Variants in CHRNA4 observed in about 807,000 individuals in gnomAD.
CHRNA4 encodes the protein neuronal acetylcholine receptor subunit alpha-4.
CHRNA4 carries 28 observed loss-of-function variants against 48.9 expected under a neutral mutation model. That is an observed-to-expected ratio of 0.57 (90% CI 0.42 to 0.79). CHRNA4 has a LOEUF of 0.79. Ranked by LOEUF, CHRNA4 falls within the 30% of genes least tolerant of loss-of-function variation. CHRNA4 has a pLI of 0.00. For missense variants in CHRNA4, 859 were observed against 898.4 expected, an observed-to-expected ratio of 0.96 and a Z score of 0.56; for synonymous variants, 425 against 402.3, an observed-to-expected ratio of 1.06 and a Z score of -0.68.
In CHRNA4 at chr20:63,349,916, C is replaced by T. The variant is rs150336658; in HGVS notation, c.1495G>A (p.Ala499Thr). The T allele has an allele frequency of 3.5e-5, 55 of 1,593,490 alleles. No individual in the cohort carries two copies. The highest frequency in any genetic ancestry group is 3.4e-4 in the Middle Eastern group (2 of 5,908). ...IQYCVPRDDA[A>T]PEADGQAAGA... The stretch of plus-strand genomic sequence containing the variant: ...GCAGCCTGGCCATCTGCCTCGGGGG[C>T]GGCATCGTCTCGGGGAACACAGTAC... The change falls in exon 5 of 6, where the codon GCC becomes ACC. Residue 499 changes from alanine (A) to threonine (T), a missense_variant. By Grantham distance (58) the Ala-to-Thr change is moderately conservative. This residue lies in a region of CHRNA4 where 478 missense variants were observed against 455.4 expected (regional missense o/e 1.05). Coordinates refer to ENST00000370263, the MANE Select transcript of CHRNA4 (RefSeq NM_000744.7).
At position 63,349,850 on chromosome 20, in the gene CHRNA4, G is replaced by A; in HGVS notation, c.1561C>T (p.Pro521Ser). Residue 521 changes from proline (P) to serine (S), a missense_variant, in exon 5 of 6, where the codon CCA becomes TCA. Pro to Ser is a moderately conservative substitution (Grantham distance 74, BLOSUM62 -1). This residue lies in a region of CHRNA4 where 478 missense variants were observed against 455.4 expected (regional missense o/e 1.05). Transcript: ENST00000370263. Reference sequence around the variant, plus strand: ...CACGGAGAGGGCTGGTCTGGGGGTGGGAGCTCAGCCGAGTGGGTGTTGCGA... The same window carrying A: ...CACGGAGAGGGCTGGTCTGGGGGTGAGAGCTCAGCCGAGTGGGTGTTGCGA... ...ASRNTHSAEL[P>S]PPDQPSPCKC... 1 of 1,596,714 alleles carries A rather than the reference G, an allele frequency of 6.3e-7. No individual in the cohort carries two copies. Among genetic ancestry groups the A allele is most frequent in the Non-Finnish European group, 8.6e-7 (1 of 1,169,352 alleles).
chr20:63,360,904 C>T (rs2068808456), intron 1 of CHRNA4, 186 bp downstream of exon 1: 1 of 463,258 alleles, frequency 2.2e-6, no homozygotes, highest in Non-Finnish European at 3.7e-6. Context: ...CAACTCCCTC[C>T]TCGCCTGGCT....
intron 4 of CHRNA4, chr20:63,351,241 T>TCCACATCCATGCCCCCGC (rs1568812091): frequency 2.8e-6 from 1 of 354,408 alleles, no homozygotes. Flanking sequence ...CACACCCACG[T>TCCACATCCATGCCCCCGC]CCACGTCCAC....
In CHRNA4 at chr20:63,356,353, C is replaced by T. The variant is rs1367890767; in HGVS notation, c.273+18G>A. 2 of 1,577,218 alleles carry T rather than the reference C, an allele frequency of 1.3e-6. No homozygotes were observed. The highest frequency in any genetic ancestry group is 1.7e-6 in the Non-Finnish European group (2 of 1,161,284). ...GGGGGAGGGCAGGGGTGGGGCAGGG[C>T]AGTGCCCTCCCACTCACCTGCTTCA... On this transcript the variant is annotated intron_variant, in intron 3 of 5. Coordinates refer to ENST00000370263, the MANE Select transcript of CHRNA4 (RefSeq NM_000744.7).
At chr20:63,348,585 C>A (rs774430461) in intron 5 of CHRNA4, among the ~76,000 whole-genome samples, 6 of 152,208 alleles carry the variant, frequency 3.9e-5, no homozygotes, top group Non-Finnish European at 7.3e-5. Flanking sequence ...GTGGCCCCTT[C>A]AGACGGAGGT....
chr20:63,346,588 G>A lies in CHRNA4; in HGVS notation c.*150C>T, dbSNP rs201579828. 3.2e-5 allele frequency: 37 copies of A among 1,147,564 alleles called. No homozygotes were observed. Among genetic ancestry groups the A allele is most frequent in the South Asian group, 3.0e-4 (23 of 75,612 alleles). The allele number at this position is 1,147,564 out of a possible 1,614,324, so 71.1% of individuals were successfully genotyped here. A position where few individuals can be genotyped will look rare whatever the true frequency, so the allele number is the denominator to read the frequency against. On this transcript the variant is annotated 3_prime_UTR_variant, in exon 6 of 6. Coordinates refer to ENST00000370263, the MANE Select transcript of CHRNA4 (RefSeq NM_000744.7). ...AGAGGCCGTGTCCCCGTCCAAGGCC[G>A]TCTTACAGCAGACACAGAACAGGAA... is the stretch of plus-strand genomic sequence containing the variant.
Position 63,346,879 on chromosome 20 carries a change from CCG to C in CHRNA4, c.1759-18_1759-17del, listed in dbSNP as rs1206759997. 1.9e-6 allele frequency: 3 copies of C among 1,612,004 alleles called. No homozygotes were observed. Among genetic ancestry groups the C allele is most frequent in the Non-Finnish European group, 2.5e-6 (3 of 1,179,570 alleles). On this transcript the variant is annotated splice_polypyrimidine_tract_variant and intron_variant, in intron 5 of 5. Transcript: ENST00000370263. ...CCTCCTTCACCTGCAAGCACAGACG[CCG>C]TCACTCCAGCACGGCCCGGCCGCCG... is the stretch of plus-strand genomic sequence containing the variant.
At position 63,349,276 on chromosome 20, in the gene CHRNA4, A is replaced by C. The variant is rs533898925; in HGVS notation, c.1758+377T>G. 3.3e-5 allele frequency among the ~76,000 whole-genome samples: 5 copies of C among 152,318 alleles called. No individual in the cohort carries two copies. The East Asian group carries it at 7.7e-4, about 24-fold the overall frequency. ...CGCACTCTGGAGAAAGGGCCTTGGC[A>C]GTGCCTCGTTGCGTTCTGGGGACTT... On this transcript the variant is annotated intron_variant, in intron 5 of 5. Transcript: ENST00000370263.
chr20:63,358,263 C>CTG (rs1462024846), intron 2 of CHRNA4, among the ~76,000 whole-genome samples: 1 of 152,202 alleles, frequency 6.6e-6, no homozygotes, highest in Non-Finnish European at 1.5e-5. Flanking sequence ...ACTGAGCAGC[C>CTG]TGTCCGCGGG....
chr20:63,357,835 G>A (rs928456253), intron 2 of CHRNA4, among the ~76,000 whole-genome samples: 4 of 152,306 alleles, frequency 2.6e-5, no homozygotes, highest in South Asian at 2.1e-4. Context: ...GTCCTTAGTC[G>A]GCTGCAGGGT....
chr20:63,357,708 G>A (rs926655402), intron 2 of CHRNA4, among the ~76,000 whole-genome samples: 7 of 152,280 alleles, frequency 4.6e-5, no homozygotes, highest in African/African-American at 7.2e-5. Flanking sequence ...CCACATACAC[G>A]TGGTCCTCAG....
intron 1 of CHRNA4, 45 bp downstream of exon 1, chr20:63,361,045 C>G: frequency 7.2e-7 from 1 of 1,386,918 alleles, no homozygotes; most frequent in Non-Finnish European, 9.4e-7. Flanking sequence ...CCCAGGCCAT[C>G]CGAACGCGGG....
Position 63,346,630 on chromosome 20 carries a change from G to A in CHRNA4, c.*108C>T, listed in dbSNP as rs766578865. 8.1e-6 allele frequency: 12 copies of A among 1,485,168 alleles called. No individual in the cohort carries two copies. In the African/African-American group the frequency reaches 8.3e-5, roughly 10 times the overall value. The allele number at this position is 1,485,168 out of a possible 1,614,324, so 92.0% of individuals were successfully genotyped here. A position where few individuals can be genotyped will look rare whatever the true frequency, so the allele number is the denominator to read the frequency against. Reference sequence around the variant, plus strand: ...GAACAGGAAGGAAAATTTGGCAAACGTGTGGCCCCACAGAGTCCAGGGAGA... The same window carrying A: ...GAACAGGAAGGAAAATTTGGCAAACATGTGGCCCCACAGAGTCCAGGGAGA... On this transcript the variant is annotated 3_prime_UTR_variant, in exon 6 of 6. Transcript: ENST00000370263.
chr20:63,344,539 C>A lies in CHRNA4; in HGVS notation c.*2199G>T. The A allele has an allele frequency of 2.2e-6, 1 of 453,326 alleles. No homozygotes were observed. 28.1% of individuals were successfully genotyped at this position (453,326 alleles called of 1,614,324 possible). A position where few individuals can be genotyped will look rare whatever the true frequency, so the allele number is the denominator to read the frequency against. ...AAGGGGTCTTCCCCCAGGCAAGCGG[C>A]CACCCCCGGCAGGAGGGTCCCCCGG... On this transcript the variant is annotated 3_prime_UTR_variant, in exon 6 of 6. Coordinates refer to ENST00000370263, the MANE Select transcript of CHRNA4 (RefSeq NM_000744.7). The surrounding 1 kb of genome is among the most constrained non-coding windows in gnomAD (Gnocchi z 4.5).
In CHRNA4 at chr20:63,345,198, G is replaced by C. The variant is rs899173864; in HGVS notation, c.*1540C>G. The C allele has an allele frequency of 1.3e-5, 6 of 446,784 alleles. No individual in the cohort carries two copies. Among genetic ancestry groups the C allele is most frequent in the South Asian group, 9.3e-5 (6 of 64,194 alleles). The allele number at this position is 446,784 out of a possible 1,614,324, so 27.7% of individuals were successfully genotyped here. A position where few individuals can be genotyped will look rare whatever the true frequency, so the allele number is the denominator to read the frequency against. On this transcript the variant is annotated 3_prime_UTR_variant, in exon 6 of 6. Transcript: ENST00000370263. The surrounding 1 kb of genome is among the most constrained non-coding windows in gnomAD (Gnocchi z 5.4). ...CCTGACGAGACCCTGGCCCAGGAGAGCTCGGCTCGGGGACAGAGGAATGAG... is the reference window on the plus strand; with the variant it reads ...CCTGACGAGACCCTGGCCCAGGAGACCTCGGCTCGGGGACAGAGGAATGAG...
rs751875597 is a variant in CHRNA4 at position 63,350,361 on chromosome 20, G to A, written c.1050C>T (p.Asp350=). 9.9e-6 allele frequency: 16 copies of A among 1,613,590 alleles called. No homozygotes were observed. The Admixed American group carries it at 1.2e-4, about 12-fold the overall frequency. The change falls in exon 5 of 6, where the codon GAC becomes GAT. Residue 350 remains aspartate, a synonymous_variant. Coordinates refer to ENST00000370263, the MANE Select transcript of CHRNA4 (RefSeq NM_000744.7). ...TCATGAGGAGCAGGCGTGGCACGAT[G>A]TCCAGGAAGACCCTGCGTACCCAGG... ...MPTWVRRVFL[D]IVPRLLLMKR...
intron 1 of CHRNA4, 27 bp downstream of exon 1, chr20:63,361,063 G>A: frequency 7.0e-7 from 1 of 1,424,128 alleles, no homozygotes; most frequent in Non-Finnish European, 9.2e-7. Context: ...GGGCGAAAGG[G>A]GGCCCATCCC....
chr20:63,355,873 AG>A (rs2068708767), intron 4 of CHRNA4, 101 bp downstream of exon 4: 2 of 1,500,698 alleles, frequency 1.3e-6, no homozygotes, highest in African/African-American at 1.4e-5. Flanking sequence ...CCGCTGGGCC[AG>A]GCTGGGCCTT....
At position 63,350,128 on chromosome 20, in the gene CHRNA4, T is replaced by C; in HGVS notation, c.1283A>G (p.Gln428Arg). Residue 428 changes from glutamine to arginine, a missense_variant, in exon 5 of 6, where the codon CAG becomes CGG. Gln to Arg is a conservative substitution (Grantham distance 43, BLOSUM62 1). This residue lies in a region of CHRNA4 where 478 missense variants were observed against 455.4 expected (regional missense o/e 1.05). Coordinates refer to ENST00000370263, the MANE Select transcript of CHRNA4 (RefSeq NM_000744.7). Reference protein sequence around the residue: ...PGPSCKSPSDQLPPQQPLEAE... With the variant: ...PGPSCKSPSDRLPPQQPLEAE... ...TTCCAGGGGCTGCTGAGGAGGGAGC[T>C]GGTCGGAGGGTGACTTGCAGGAAGG... 6.4e-7 allele frequency: 1 copy of C among 1,560,412 alleles called. No homozygotes were observed. Among genetic ancestry groups the C allele is most frequent in the Non-Finnish European group, 8.7e-7 (1 of 1,150,792 alleles).
Sources: gnomAD v4.1 joint callset for allele counts (sites outside exome capture counted in the v4.1 genomes callset) on GRCh38, gnomAD v4.1.1 for gene constraint, gnomAD v4.1.1 regional missense constraint, Gnocchi (gnomAD v3.1) non-coding constraint, MANE v1.5 for transcripts, NCBI Gene and HGNC (gene_info 2026-07-23, HGNC 2026-07-21) for gene names.